The following DIP2C variants were observed in gnomAD, a reference collection of about 807,000 sequenced individuals.
The protein encoded by DIP2C is DIP2 acetate--CoA ligase C (putative), also known as disco-interacting protein 2 homolog C.
A neutral mutation model predicts 192.4 loss-of-function variants in DIP2C; 33 were observed. That is an observed-to-expected ratio of 0.17 (90% CI 0.13 to 0.23). The LOEUF is 0.23. Among genes scored for constraint, DIP2C ranks in the 10% least tolerant of loss-of-function variants. The probability of loss-of-function intolerance (pLI) is 1.00; values close to 1 mark genes in which losing one functional copy is unlikely to be tolerated. For synonymous variants in DIP2C, 979 were observed against 864.1 expected (o/e 1.13, Z -2.33); for missense variants, 1,537 against 2,110.1 (o/e 0.73, Z 5.32).
chr10:364,413 G>A lies in DIP2C; in HGVS notation c.2438C>T (p.Ala813Val), dbSNP rs746171196. ...RHNADDIVAT[A>V]LAVEPMKFVY... ...AAACTTCATGGGTTCTACGGCCAGCGCAGTGGCCACGATGTCGTCGGCGTT... is the reference window on the plus strand; with the variant it reads ...AAACTTCATGGGTTCTACGGCCAGCACAGTGGCCACGATGTCGTCGGCGTT... Residue 813 changes from alanine to valine, a missense_variant, in exon 20 of 37, where the codon GCG becomes GTG. Coordinates refer to ENST00000280886, the MANE Select transcript of DIP2C (RefSeq NM_014974.3). 1.9e-5 allele frequency: 31 copies of A among 1,613,896 alleles called. No homozygotes were observed. The highest frequency in any genetic ancestry group is 4.5e-5 in the East Asian group (2 of 44,892).
chr10:632,947 G>T (rs985477622), intron 1 of DIP2C, among the ~76,000 whole-genome samples: 1 of 151,892 alleles, frequency 6.6e-6, no homozygotes, highest in Non-Finnish European at 1.5e-5. Flanking sequence ...CAGACTCCAC[G>T]GCCAGCACCG....
At chr10:557,802 C>T (rs1413352809) in intron 1 of DIP2C, among the ~76,000 whole-genome samples, 1 of 76,690 alleles carries the variant, frequency 1.3e-5, no homozygotes, top group Non-Finnish European at 2.6e-5. Flanking sequence ...CAGGGGCAGG[C>T]AGGCAGGCAG....
intron 4 of DIP2C, among the ~76,000 whole-genome samples, chr10:435,864 A>C (rs1426723586): frequency 6.6e-6 from 1 of 152,146 alleles, no homozygotes; most frequent in Non-Finnish European, 1.5e-5. Context: ...TAGATTTAAA[A>C]ACTCTGTCTT....
At chr10:490,141 C>T (rs56390617) in intron 1 of DIP2C, among the ~76,000 whole-genome samples, 24,456 of 98,466 alleles carry the variant, frequency 0.25, 3,354 homozygotes, top group Non-Finnish European at 0.36. Flanking sequence ...ACCAGGGACA[C>T]GGTGGCTCTG....
intron 1 of DIP2C, among the ~76,000 whole-genome samples, chr10:530,534 G>A (rs891625332): frequency 3.3e-5 from 5 of 151,652 alleles, no homozygotes; most frequent in Non-Finnish European, 1.5e-5. Context: ...AAACATGGCT[G>A]TAGGCTGGTG....
At position 277,047 on chromosome 10, in the gene DIP2C, A is replaced by T. The variant is rs1283852206; in HGVS notation, c.*278T>A. The T allele has an allele frequency of 1.3e-5, 4 of 315,604 alleles. No individual in the cohort carries two copies. Among genetic ancestry groups the T allele is most frequent in the Non-Finnish European group, 2.1e-5 (4 of 187,050 alleles). The allele number at this position is 315,604 out of a possible 1,614,324, so 19.6% of individuals were successfully genotyped here. A position where few individuals can be genotyped will look rare whatever the true frequency, so the allele number is the denominator to read the frequency against. ...GCACTTATTATCCAATAATTAAAAA[A>T]GAAAGAAAAGAAAAGAAAGTTTTGA... On this transcript the variant is annotated 3_prime_UTR_variant, in exon 37 of 37. Transcript: ENST00000280886.
At chr10:335,349 A>G (rs558577334) in intron 29 of DIP2C, among the ~76,000 whole-genome samples, 1 of 152,332 alleles carries the variant, frequency 6.6e-6, no homozygotes, top group East Asian at 1.9e-4. Flanking sequence ...GGGATTTCCA[A>G]CAAACAAGTC....
intron 36 of DIP2C, among the ~76,000 whole-genome samples, chr10:280,691 C>T (rs1438545882): frequency 1.3e-5 from 2 of 152,218 alleles, no homozygotes; most frequent in African/African-American, 4.8e-5. Flanking sequence ...CAGAGTCTGC[C>T]CCCAGGCAGC....
chr10:344,061 G>T (rs1329047424), intron 28 of DIP2C, among the ~76,000 whole-genome samples: 1 of 152,146 alleles, frequency 6.6e-6, no homozygotes, highest in Non-Finnish European at 1.5e-5. Context: ...CGTTCTGATG[G>T]TCTACTCTAC....
chr10:445,295 G>A (rs1316046396), intron 3 of DIP2C, among the ~76,000 whole-genome samples: 1 of 151,522 alleles, frequency 6.6e-6, no homozygotes. Flanking sequence ...AGTCTATCTT[G>A]CACTGGACAT....
rs1012712786 is a variant in DIP2C, at chr10:472,387, T to G, written c.268+52A>C. The G allele has an allele frequency of 2.6e-6, 4 of 1,553,132 alleles. No homozygotes were observed. In the African/African-American group the frequency reaches 5.4e-5, roughly 21 times the overall value. On this transcript the variant is annotated intron_variant, in intron 3 of 36. Transcript: ENST00000280886. ...GCCCAGTGGCTGGGCACAGGCACCGTCCTGGCACAGGTGGCAGATGGACGT... is the reference window on the plus strand; with the variant it reads ...GCCCAGTGGCTGGGCACAGGCACCGGCCTGGCACAGGTGGCAGATGGACGT...
chr10:533,415 G>C (rs983997055), intron 1 of DIP2C, among the ~76,000 whole-genome samples: 1 of 152,050 alleles, frequency 6.6e-6, no homozygotes, highest in African/African-American at 2.4e-5. Flanking sequence ...ACAGCCTCGG[G>C]GCAAACTAAA....
intron 29 of DIP2C, among the ~76,000 whole-genome samples, chr10:334,304 C>CAAAAAAAAAAAAAAAAAAAA (rs35031456): frequency 1.2e-5 from 1 of 82,416 alleles, no homozygotes; most frequent in Non-Finnish European, 2.1e-5. Flanking sequence ...AAGACTGTCT[C>CAAAAAAAAAAAAAAAAAAAA]AAAAAAAAAA....
intron 17 of DIP2C, among the ~76,000 whole-genome samples, chr10:372,074 CTT>C (rs71376826): frequency 1.6e-4 from 22 of 137,556 alleles, no homozygotes; most frequent in Admixed American, 3.7e-4. Context: ...ACCCCCTTTC[CTT>C]TTTTTTTTTT....
Position 594,261 on chromosome 10 carries a change from T to C in DIP2C, c.85+95233A>G, listed in dbSNP as rs140446846. 6.4e-3 allele frequency among the ~76,000 whole-genome samples: 967 copies of C among 152,268 alleles called. 32 individuals are homozygous for C. The highest frequency in any genetic ancestry group is 0.054 in the Admixed American group (826 of 15,294). ...GGCCCTTTCCTATCTGCACAGCTTC[T>C]ACAAATTCAACTCTCACACCTGACA... On this transcript the variant is annotated intron_variant, in intron 1 of 36. Coordinates refer to ENST00000280886, the MANE Select transcript of DIP2C (RefSeq NM_014974.3).
intron 1 of DIP2C, among the ~76,000 whole-genome samples, chr10:596,754 C>T (rs903593615): frequency 5.9e-5 from 9 of 152,092 alleles, no homozygotes; most frequent in African/African-American, 1.9e-4. Flanking sequence ...CCGGCTCAAG[C>T]GTCTGAGAAA....
intron 32 of DIP2C, 46 bp downstream of exon 32, chr10:309,985 A>G (rs751934482): frequency 2.5e-6 from 4 of 1,600,032 alleles, no homozygotes; most frequent in Non-Finnish European, 2.6e-6. Flanking sequence ...GCCGCAGAAC[A>G]AAACAAAAAA....
At chr10:522,007 T>C (rs1387363534) in intron 1 of DIP2C, among the ~76,000 whole-genome samples, 3 of 152,022 alleles carry the variant, frequency 2.0e-5, no homozygotes, top group African/African-American at 7.2e-5. Context: ...TTCACAGACG[T>C]GGAACAGCAT....
At chr10:490,597 C>T (rs996208445) in intron 1 of DIP2C, among the ~76,000 whole-genome samples, 5 of 152,224 alleles carry the variant, frequency 3.3e-5, no homozygotes, top group African/African-American at 9.6e-5. Flanking sequence ...CCTGCCAGAG[C>T]GCTTTCCACG....
Sources: gnomAD v4.1 joint callset for allele counts (sites outside exome capture counted in the v4.1 genomes callset) on GRCh38, gnomAD v4.1.1 for gene constraint, MANE v1.5 for transcripts, NCBI Gene and HGNC (gene_info 2026-07-23, HGNC 2026-07-21) for gene names.